The following ARHGAP32 variants were observed in gnomAD, a reference collection of about 807,000 sequenced individuals.
The protein encoded by ARHGAP32 is Rho GTPase activating protein 32.
In ARHGAP32, 51 loss-of-function variants were observed where a neutral mutation model predicts 186.5. That is an observed-to-expected ratio of 0.27 (90% CI 0.22 to 0.35). ARHGAP32 has a LOEUF of 0.35. ARHGAP32 is among the 10% of genes least tolerant of loss of function. ARHGAP32 has a pLI of 1.00. For missense variants in ARHGAP32, 2,186 were observed against 2,623.5 expected (o/e 0.83, Z 3.64); for synonymous variants, 950 against 964.3 (o/e 0.99, Z 0.27).
chr11:128,974,151 C>T lies in ARHGAP32; in HGVS notation c.3046G>A (p.Ala1016Thr). 1 of 1,614,168 alleles carries T rather than the reference C, an allele frequency of 6.2e-7. No homozygotes were observed. The change falls in exon 21 of 23, where the codon GCT becomes ACT. Residue 1016 changes from alanine (A) to threonine (T), a missense_variant. Around this residue, in one of 5 missense-constraint regions of ARHGAP32, gnomAD observed 1,502 missense variants for 1,570.0 expected, o/e 0.96. Coordinates refer to ENST00000682385, the MANE Select transcript of ARHGAP32 (RefSeq NM_001378024.1). ...GTCTGAGTCTGTCCAGAAGCTACAG[C>T]CTTACTCTGACTGCTTGAGACAGAC... ...DQSVSSSQSKAVASGQTQTGA... is the reference protein window; with the variant it reads ...DQSVSSSQSKTVASGQTQTGA...
In ARHGAP32 at chr11:128,980,644, T is replaced by C. The variant is rs140640457; in HGVS notation, c.1885A>G (p.Ile629Val). 183 of 1,614,066 alleles carry C rather than the reference T, an allele frequency of 1.1e-4. No homozygotes were observed. Among genetic ancestry groups the C allele is most frequent in the East Asian group, 1.3e-4 (6 of 44,886 alleles). Residue 629 changes from isoleucine (I) to valine (V), a missense_variant, in exon 18 of 23, where the codon ATT becomes GTT. Ile to Val is a conservative substitution (Grantham distance 29, BLOSUM62 3). Coordinates refer to ENST00000682385, the MANE Select transcript of ARHGAP32 (RefSeq NM_001378024.1). ...TCGATATATTTATTTTCCGTCACAA[T>C]TGGAGAATTGACCTGAGCTTGTGTT... ...ARTQAQVNSP[I>V]VTENKYIEVG...
intron 2 of ARHGAP32, among the ~76,000 whole-genome samples, chr11:129,132,135 A>C (rs1185569067): frequency 4.6e-5 from 7 of 152,194 alleles, no homozygotes; most frequent in Non-Finnish European, 1.0e-4. Flanking sequence ...CACGAAAGAA[A>C]ACAAGAAAAG....
intron 12 of ARHGAP32, among the ~76,000 whole-genome samples, chr11:128,994,509 T>G (rs1397743884): frequency 2.6e-5 from 4 of 152,026 alleles, no homozygotes; most frequent in Non-Finnish European, 5.9e-5. Flanking sequence ...TACATGGTGT[T>G]AAACGTGCCA....
At chr11:129,000,844 T>A (rs184813560) in intron 11 of ARHGAP32, among the ~76,000 whole-genome samples, 27 of 152,236 alleles carry the variant, frequency 1.8e-4, no homozygotes, top group African/African-American at 6.3e-4. Context: ...ACTGTTTGGA[T>A]TTTCAGATCC....
At chr11:129,179,144 G>A (rs546320574) in intron 1 of ARHGAP32, among the ~76,000 whole-genome samples, 2 of 152,118 alleles carry the variant, frequency 1.3e-5, no homozygotes, top group African/African-American at 4.8e-5. Context: ...GACATGAACA[G>A]ACACTTCTCA....
chr11:129,158,358 T>G (rs939863319), intron 2 of ARHGAP32, among the ~76,000 whole-genome samples: 1 of 79,660 alleles, frequency 1.3e-5, no homozygotes. Flanking sequence ...AGGCTCAAAA[T>G]AAAGGGAAGG....
Position 129,036,895 on chromosome 11 carries a change from C to T in ARHGAP32, c.1045+4033G>A, listed in dbSNP as rs541022384. ...CCACTGGGCAAGAACAATAAAAAGA[C>T]ATCCAGATTGGAAGGGAAGAAGTAA... On this transcript the variant is annotated intron_variant, in intron 11 of 22. Coordinates refer to ENST00000682385, the MANE Select transcript of ARHGAP32 (RefSeq NM_001378024.1). 4.7e-4 allele frequency among the ~76,000 whole-genome samples: 71 copies of T among 152,278 alleles called. 1 individual carries two copies. The highest frequency in any genetic ancestry group is 1.7e-3 in the African/African-American group (70 of 41,542).
intron 2 of ARHGAP32, among the ~76,000 whole-genome samples, chr11:129,139,601 G>A (rs908702631): frequency 5.9e-5 from 9 of 151,908 alleles, no homozygotes; most frequent in East Asian, 1.9e-4. Flanking sequence ...TGCTGTTCTC[G>A]TTATAATGAG....
chr11:129,098,217 C>G (rs886065822), intron 5 of ARHGAP32, among the ~76,000 whole-genome samples: 1 of 152,086 alleles, frequency 6.6e-6, no homozygotes, highest in Non-Finnish European at 1.5e-5. Context: ...TAAATTAAAA[C>G]ACATACACAC....
intron 10 of ARHGAP32, among the ~76,000 whole-genome samples, chr11:129,052,497 A>T (rs1940092763): frequency 6.6e-6 from 1 of 152,228 alleles, no homozygotes; most frequent in African/African-American, 2.4e-5. Context: ...ATCTTAAAAA[A>T]TATACAGTCT....
intron 15 of ARHGAP32, chr11:128,985,751 A>G (rs1162871294): frequency 6.1e-6 from 1 of 164,698 alleles, no homozygotes; most frequent in African/African-American, 2.4e-5. Context: ...GGCCCTGGGG[A>G]TCTAAGGACA....
intron 1 of ARHGAP32, among the ~76,000 whole-genome samples, chr11:129,276,060 T>C (rs1945525718): frequency 6.6e-6 from 1 of 152,264 alleles, no homozygotes; most frequent in African/African-American, 2.4e-5. Flanking sequence ...GAAGATCGCT[T>C]CAGCCCAGAA....
At chr11:128,985,924 T>C (rs1249233376) in intron 15 of ARHGAP32, 79 bp downstream of exon 15, 2 of 761,846 alleles carry the variant, frequency 2.6e-6, no homozygotes, top group East Asian at 3.6e-5. Context: ...GAAGTTTAAA[T>C]AGAAATCCAA....
intron 11 of ARHGAP32, among the ~76,000 whole-genome samples, chr11:129,034,509 CTT>C (rs376386178): frequency 2.3e-3 from 346 of 152,130 alleles, no homozygotes; most frequent in African/African-American, 8.1e-3. Flanking sequence ...CACCCCTCCT[CTT>C]TCTTTCTTTC....
chr11:129,214,490 A>G (rs1422129328), intron 1 of ARHGAP32, among the ~76,000 whole-genome samples: 1 of 152,198 alleles, frequency 6.6e-6, no homozygotes, highest in Non-Finnish European at 1.5e-5. Flanking sequence ...AAATTTATTG[A>G]TTCATATAAT....
upstream of ARHGAP32, among the ~76,000 whole-genome samples, chr11:129,279,497 G>A (rs1945583702): frequency 1.4e-5 from 2 of 145,056 alleles, no homozygotes; most frequent in Admixed American, 1.4e-4. Context: ...TCACCCTGAC[G>A]CCTTCGGGCC....
At chr11:129,169,664 G>A (rs542539936) in intron 1 of ARHGAP32, among the ~76,000 whole-genome samples, 98 of 149,856 alleles carry the variant, frequency 6.5e-4, no homozygotes, top group African/African-American at 2.3e-3. Flanking sequence ...AAGATTGTGA[G>A]GCCATTATGA....
At chr11:128,977,010 C>T (rs777210997) in intron 19 of ARHGAP32, among the ~76,000 whole-genome samples, 11 of 152,072 alleles carry the variant, frequency 7.2e-5, no homozygotes, top group African/African-American at 2.4e-4. Context: ...CTGGTGTCCT[C>T]GTAAGAAAAC....
chr11:129,192,154 G>A lies in ARHGAP32; in HGVS notation c.45C>T (p.Val15=), dbSNP rs557831847. Residue 15 remains valine, a synonymous_variant, in exon 1 of 23, where the codon GTC becomes GTT. Transcript: ENST00000682385. The part of the protein sequence containing the change: ...SESSTLGDDS[V]FWLESEVIIQ... ...TTATAACTTCAGACTCCAACCAGAAGACACTGTCATCCCCTAAAGTGCTAC... is the reference window on the plus strand; with the variant it reads ...TTATAACTTCAGACTCCAACCAGAAAACACTGTCATCCCCTAAAGTGCTAC... The A allele has an allele frequency of 6.2e-7, 1 of 1,613,800 alleles. No homozygotes were observed. The highest frequency in any genetic ancestry group is 8.5e-7 in the Non-Finnish European group (1 of 1,179,826).
Sources: allele counts gnomAD v4.1 joint callset (sites outside exome capture counted in the v4.1 genomes callset), GRCh38; gene constraint gnomAD v4.1.1; regional missense constraint gnomAD v4.1.1; transcripts MANE v1.5; gene names NCBI Gene and HGNC (gene_info 2026-07-23, HGNC 2026-07-21).